The following UBE2N variants were observed in gnomAD, a reference collection of about 807,000 sequenced individuals.
UBE2N encodes ubiquitin conjugating enzyme E2 N.
For synonymous variants in UBE2N, 70 were observed against 69.2 expected (o/e 1.01, Z -0.06); for missense variants, 60 against 192.1 (o/e 0.31, Z 4.07).
At position 93,410,044 on chromosome 12, in the gene UBE2N, T is replaced by G; in HGVS notation, c.454A>C (p.Ile152Leu). The G allele has an allele frequency of 6.2e-7, 1 of 1,613,402 alleles. No individual in the cohort carries two copies. Among genetic ancestry groups the G allele is most frequent in the Non-Finnish European group, 8.5e-7 (1 of 1,179,734 alleles). ...CACTTGATGATCGTATCAATTTAAA[T>G]ATTATTCATGGCATATAGCCTAGTC... Reference protein sequence around the residue: ...AWTRLYAMNNI With the variant: ...AWTRLYAMNNL The change falls in exon 4 of 4, where the codon ATT becomes CTT. Residue 152 changes from isoleucine (I) to leucine (L), a missense_variant. Ile to Leu is a conservative substitution (Grantham distance 5, BLOSUM62 2). Coordinates refer to ENST00000318066, the MANE Select transcript of UBE2N (RefSeq NM_003348.4).
rs1877942557 is a variant in UBE2N at position 93,408,776 on chromosome 12, C to A, written c.*1263G>T. 1 of 152,284 alleles carries A rather than the reference C, an allele frequency of 6.6e-6. No homozygotes were observed. Among genetic ancestry groups the A allele is most frequent in the South Asian group, 2.1e-4 (1 of 4,832 alleles). The allele number at this position is 152,284 out of a possible 1,614,324, so 9.4% of individuals were successfully genotyped here. ...GACTTGATACTCTCAAAGGGATAAA[C>A]CTTTCTGATGACACACAAGCTAGAT... On this transcript the variant is annotated 3_prime_UTR_variant, in exon 4 of 4. Transcript: ENST00000318066.
chr12:93,421,852 T>C (rs1363315359), intron 1 of UBE2N, among the ~76,000 whole-genome samples: 1 of 152,238 alleles, frequency 6.6e-6, no homozygotes, highest in African/African-American at 2.4e-5. Context: ...TGTTTACTCA[T>C]TGCTATTTTG....
chr12:93,437,817 G>T (rs1046091952), intron 1 of UBE2N, among the ~76,000 whole-genome samples: 39 of 151,988 alleles, frequency 2.6e-4, no homozygotes, highest in African/African-American at 7.3e-4. Flanking sequence ...CAAAAACAGT[G>T]GTTTTCTAAG....
At chr12:93,415,061 T>G (rs552381941) in intron 1 of UBE2N, among the ~76,000 whole-genome samples, 14 of 152,308 alleles carry the variant, frequency 9.2e-5, no homozygotes, top group African/African-American at 3.4e-4. Flanking sequence ...GTGCACATTA[T>G]GGAAGGAAAA....
At position 93,407,266 on chromosome 12, in the gene UBE2N, T is replaced by C. The variant is rs1303657295; in HGVS notation, c.*2773A>G. ...TGTTCATCTGGCCTGAATCCAAAAG[T>C]CTGTCCAAGTTACTTCTCTTTTCCA... On this transcript the variant is annotated 3_prime_UTR_variant, in exon 4 of 4. Transcript: ENST00000318066. The C allele has an allele frequency of 1.3e-5, 2 of 152,344 alleles. No homozygotes were observed. Among genetic ancestry groups the C allele is most frequent in the African/African-American group, 4.8e-5 (2 of 41,452 alleles). 9.4% of individuals were successfully genotyped at this position (152,344 alleles called of 1,614,324 possible).
In UBE2N at chr12:93,406,301, A is replaced by AAAAAAAAAAAAC. The variant is rs1877813147; in HGVS notation, c.*3737_*3738insGTTTTTTTTTTT. ...AAAAAAAAAAAAAAAAAAAAAAAAA[A>AAAAAAAAAAAAC]AAAAGGTTCCTGAACCATTCAACAG... On this transcript the variant is annotated 3_prime_UTR_variant, in exon 4 of 4. Coordinates refer to ENST00000318066, the MANE Select transcript of UBE2N (RefSeq NM_003348.4). The AAAAAAAAAAAAC allele has an allele frequency of 6.8e-6, 1 of 147,132 alleles. No homozygotes were observed. The highest frequency in any genetic ancestry group is 2.6e-5 in the African/African-American group (1 of 38,974). The allele number at this position is 147,132 out of a possible 1,614,324, so 9.1% of individuals were successfully genotyped here. A position where few individuals can be genotyped will look rare whatever the true frequency, so the allele number is the denominator to read the frequency against.
At chr12:93,435,115 T>C (rs1878895554) in intron 1 of UBE2N, among the ~76,000 whole-genome samples, 2 of 152,266 alleles carry the variant, frequency 1.3e-5, no homozygotes, top group South Asian at 4.1e-4. Flanking sequence ...AACATCATGG[T>C]AACTTTTCCA....
chr12:93,416,586 C>T (rs79433973), intron 1 of UBE2N, among the ~76,000 whole-genome samples: 3 of 151,984 alleles, frequency 2.0e-5, no homozygotes, highest in African/African-American at 7.3e-5. Context: ...TTAGCAGAGA[C>T]AGGGTTTCAC....
intron 1 of UBE2N, among the ~76,000 whole-genome samples, chr12:93,428,047 T>C (rs955364226): frequency 2.6e-5 from 4 of 152,140 alleles, no homozygotes; most frequent in African/African-American, 9.7e-5. Flanking sequence ...TCCCAACTAG[T>C]AGCTGGGACT....
chr12:93,441,943 C>A lies in UBE2N; in HGVS notation c.-59G>T, dbSNP rs1879131995. 3 of 1,527,612 alleles carry A rather than the reference C, an allele frequency of 2.0e-6. No homozygotes were observed. Among genetic ancestry groups the A allele is most frequent in the South Asian group, 1.2e-5 (1 of 81,548 alleles). The allele number at this position is 1,527,612 out of a possible 1,614,324, so 94.6% of individuals were successfully genotyped here. A position where few individuals can be genotyped will look rare whatever the true frequency, so the allele number is the denominator to read the frequency against. The stretch of plus-strand genomic sequence containing the variant: ...TCTCCGGCTCCTCTCGCCTCACGCA[C>A]GAGTGGAAGTCCCGGGCTCCACTTC... On this transcript the variant is annotated 5_prime_UTR_variant, in exon 1 of 4. Transcript: ENST00000318066.
chr12:93,426,814 A>G (rs1444233168), intron 1 of UBE2N, among the ~76,000 whole-genome samples: 1 of 152,008 alleles, frequency 6.6e-6, no homozygotes, highest in Non-Finnish European at 1.5e-5. Context: ...GGGAGTGTTA[A>G]GGGAAAACTG....
chr12:93,439,380 T>C (rs981721824), intron 1 of UBE2N, among the ~76,000 whole-genome samples: 4 of 152,092 alleles, frequency 2.6e-5, no homozygotes, highest in African/African-American at 9.7e-5. Flanking sequence ...TGAAGAGGCT[T>C]AAGTGGGAGG....
chr12:93,415,061 T>C (rs552381941), intron 1 of UBE2N, among the ~76,000 whole-genome samples: 3 of 152,190 alleles, frequency 2.0e-5, no homozygotes, highest in Non-Finnish European at 4.4e-5. Context: ...GTGCACATTA[T>C]GGAAGGAAAA....
chr12:93,438,963 T>C (rs1334822948), intron 1 of UBE2N, among the ~76,000 whole-genome samples: 3 of 152,196 alleles, frequency 2.0e-5, no homozygotes, highest in Non-Finnish European at 4.4e-5. Flanking sequence ...AGCTTTACCT[T>C]AGGAAAGTCA....
intron 1 of UBE2N, among the ~76,000 whole-genome samples, chr12:93,417,981 T>C (rs1878274534): frequency 1.3e-5 from 2 of 152,252 alleles, no homozygotes; most frequent in African/African-American, 2.4e-5. Context: ...TCACCCTCTA[T>C]ATATATAAGT....
At chr12:93,425,087 T>G (rs891265283) in intron 1 of UBE2N, among the ~76,000 whole-genome samples, 1 of 152,192 alleles carries the variant, frequency 6.6e-6, no homozygotes, top group Non-Finnish European at 1.5e-5. Context: ...GGCTCAGTAT[T>G]ACGTTAGGGT....
chr12:93,441,791 G>T, intron 1 of UBE2N, 64 bp downstream of exon 1: 2 of 1,563,554 alleles, frequency 1.3e-6, no homozygotes, highest in Non-Finnish European at 1.7e-6. Flanking sequence ...GAGAGGCCGC[G>T]CTGCCTGCCC....
Position 93,411,314 on chromosome 12 carries a change from C to G in UBE2N, c.31-15G>C, listed in dbSNP as rs749024304. 1.3e-6 allele frequency: 2 copies of G among 1,575,474 alleles called. No individual in the cohort carries two copies. Among genetic ancestry groups the G allele is most frequent in the East Asian group, 2.2e-5 (1 of 44,480 alleles). On this transcript the variant is annotated splice_polypyrimidine_tract_variant and intron_variant, in intron 1 of 3. Transcript: ENST00000318066. ...CGCTGGGTTTCCTATGACAGAAAAA[C>G]AAACACATTTGTGAAACAAATGTCA... is the stretch of plus-strand genomic sequence containing the variant.
chr12:93,427,089 T>C (rs1320833215), intron 1 of UBE2N, among the ~76,000 whole-genome samples: 2 of 151,800 alleles, frequency 1.3e-5, no homozygotes, highest in Non-Finnish European at 2.9e-5. Flanking sequence ...CCAGCTAATT[T>C]TTGTATTTTT....
Sources: gnomAD v4.1 joint callset for allele counts (sites outside exome capture counted in the v4.1 genomes callset) on GRCh38, gnomAD v4.1.1 for gene constraint, MANE v1.5 for transcripts, NCBI Gene and HGNC (gene_info 2026-07-23, HGNC 2026-07-21) for gene names.